Variants in THTPA observed in about 807,000 individuals in gnomAD.
THTPA encodes the protein thiamine-triphosphatase.
In THTPA, 16 loss-of-function variants were observed where a neutral mutation model predicts 16.5. That is an observed-to-expected ratio of 0.97 (90% CI 0.66 to 1.47). The LOEUF (loss-of-function observed/expected upper bound fraction) is 1.47. Among genes scored for constraint, THTPA ranks in the 40% most tolerant of loss-of-function variants. The probability of loss-of-function intolerance (pLI) is 0.00; values close to 1 mark genes in which losing one functional copy is unlikely to be tolerated. For missense variants in THTPA, 281 were observed against 280.9 expected, an observed-to-expected ratio of 1.00 and a Z score of 0.00; for synonymous variants, 110 against 115.5, an observed-to-expected ratio of 0.95 and a Z score of 0.30.
At chr14:23,516,016 G>A in the THTPA span, among the ~76,000 whole-genome samples, 1 of 152,146 alleles carries the variant, frequency 6.6e-6, no homozygotes, top group South Asian at 2.1e-4. Context: ...GTTATGATAA[G>A]CCCTGGTGTG....
At chr14:23,538,195 C>T in the THTPA span, 1 of 152,180 alleles carries the variant, frequency 6.6e-6, no homozygotes, top group Non-Finnish European at 1.5e-5. Context: ...CTCTGATCGG[C>T]CGAGGGTAGG....
chr14:23,539,306 A>G, the THTPA span, among the ~76,000 whole-genome samples: 1 of 152,224 alleles, frequency 6.6e-6, no homozygotes, highest in African/African-American at 2.4e-5. Flanking sequence ...TTCAAGGCTC[A>G]GCCAGGGAGT....
At chr14:23,553,616 C>T (rs966596450), upstream of THTPA, among the ~76,000 whole-genome samples, 5 of 150,584 alleles carry the variant, frequency 3.3e-5, no homozygotes, top group African/African-American at 7.3e-5. Context: ...AAAAACAGGC[C>T]GGGCGTGGTG....
At position 23,559,842 on chromosome 14, in the gene THTPA, CA is replaced by C; in HGVS notation, c.*1003del. Reference sequence around the variant, plus strand: ...CGTAGGTGAGGCGCAGCTTTAGCCGCAGGGGGGCCTAGGAATAGGAGAGCAG... The same window carrying C: ...CGTAGGTGAGGCGCAGCTTTAGCCGCGGGGGGCCTAGGAATAGGAGAGCAG... On this transcript the variant is annotated 3_prime_UTR_variant, in exon 2 of 2. Coordinates refer to ENST00000288014, the MANE Select transcript of THTPA (RefSeq NM_024328.6). The C allele has an allele frequency of 1.9e-6, 3 of 1,614,092 alleles. No individual in the cohort carries two copies. The highest frequency in any genetic ancestry group is 2.5e-6 in the Non-Finnish European group (3 of 1,180,010).
chr14:23,533,189 A>G, the THTPA span: 1 of 1,437,410 alleles, frequency 7.0e-7, no homozygotes, highest in East Asian at 2.5e-5. This position sits in a 1 kb window ranked among gnomAD's most constrained non-coding sequence, Gnocchi z 4.8. Context: ...AGAGGGACTT[A>G]TGGTTACCTA....
the THTPA span, chr14:23,534,786 G>C: frequency 6.5e-7 from 1 of 1,536,224 alleles, no homozygotes; most frequent in Non-Finnish European, 8.7e-7. This position sits in a 1 kb window ranked among gnomAD's most constrained non-coding sequence, Gnocchi z 4.5. Context: ...AAGAGCTAAA[G>C]CCTTGGATTG....
chr14:23,558,951 C>T lies in THTPA; in HGVS notation c.*111C>T, dbSNP rs45476293. ...CTTCTGACAGTGACTCCTCTCTCTC[C>T]AGCGCTGCCTGTTTCTTCCCCCTCC... On this transcript the variant is annotated 3_prime_UTR_variant, in exon 2 of 2. Transcript: ENST00000288014. 765 of 1,322,034 alleles carry T rather than the reference C, an allele frequency of 5.8e-4. 1 individual carries two copies. The highest frequency in any genetic ancestry group is 7.3e-4 in the Non-Finnish European group (703 of 966,392). The allele number at this position is 1,322,034 out of a possible 1,614,324, so 81.9% of individuals were successfully genotyped here.
the THTPA span, chr14:23,530,338 C>T: frequency 2.7e-6 from 2 of 727,832 alleles, no homozygotes; most frequent in Non-Finnish European, 4.8e-6. Flanking sequence ...TATGAAAAGC[C>T]AACAAAAAGA....
At chr14:23,531,433 T>G in the THTPA span, 2 of 1,357,598 alleles carry the variant, frequency 1.5e-6, no homozygotes, top group Non-Finnish European at 1.9e-6. Context: ...CCCCACATCC[T>G]GCTGCCCTCC....
At chr14:23,522,552 T>C in the THTPA span, 1 of 1,527,262 alleles carries the variant, frequency 6.5e-7, no homozygotes, top group Admixed American at 2.0e-5. Context: ...CCCTTCTTCA[T>C]GCCATAGAGC....
chr14:23,519,001 C>G, the THTPA span, among the ~76,000 whole-genome samples: 3 of 152,198 alleles, frequency 2.0e-5, no homozygotes, highest in Admixed American at 2.0e-4. Context: ...TGTTAATTGA[C>G]CTAAGTCAGC....
the THTPA span, chr14:23,525,213 T>G: frequency 6.5e-7 from 1 of 1,536,002 alleles, no homozygotes; most frequent in Non-Finnish European, 8.7e-7. The surrounding 1 kb of genome is among the most constrained non-coding windows in gnomAD (Gnocchi z 5.9). Flanking sequence ...TCCTCTTCTA[T>G]GGGCCAGTGT....
the THTPA span, chr14:23,527,522 C>T: frequency 8.0e-6 from 12 of 1,502,736 alleles, no homozygotes; most frequent in East Asian, 9.9e-5. Context: ...ATGCACCTGC[C>T]TGAATACCCC....
chr14:23,517,830 C>T, the THTPA span, among the ~76,000 whole-genome samples: 1 of 152,164 alleles, frequency 6.6e-6, no homozygotes, highest in Non-Finnish European at 1.5e-5. Flanking sequence ...AATGCCCATC[C>T]ATTTTCAGGG....
chr14:23,524,247 G>A, the THTPA span: 9 of 1,536,420 alleles, frequency 5.9e-6, no homozygotes, highest in South Asian at 1.2e-5. This position sits in a 1 kb window ranked among gnomAD's most constrained non-coding sequence, Gnocchi z 5.6. Flanking sequence ...TGTACCACTC[G>A]CTTTTTGAGC....
At chr14:23,531,320 G>A in the THTPA span, 68 of 1,089,486 alleles carry the variant, frequency 6.2e-5, 1 homozygote, top group South Asian at 1.4e-3. Flanking sequence ...TGCCTGACAC[G>A]CTCATTCTGT....
In THTPA at chr14:23,558,915, CCT is replaced by C; in HGVS notation, c.*77_*78del. The C allele has an allele frequency of 6.4e-7, 1 of 1,556,132 alleles. No individual in the cohort carries two copies. The highest frequency in any genetic ancestry group is 8.8e-7 in the Non-Finnish European group (1 of 1,142,046). On this transcript the variant is annotated 3_prime_UTR_variant, in exon 2 of 2. Transcript: ENST00000288014. ...ACTCCTGGGCCCACTGTGCCTCTCCCCTCAGTGTCCCTTCTGACAGTGACTCC... is the reference window on the plus strand; with the variant it reads ...ACTCCTGGGCCCACTGTGCCTCTCCCCAGTGTCCCTTCTGACAGTGACTCC...
chr14:23,534,817 T>G, the THTPA span: 1 of 1,536,046 alleles, frequency 6.5e-7, no homozygotes, highest in Non-Finnish European at 8.7e-7. The surrounding 1 kb of genome is among the most constrained non-coding windows in gnomAD (Gnocchi z 4.5). Context: ...ATGTTGGATG[T>G]GAAGGGCAGT....
chr14:23,551,147 A>G (rs565026201), upstream of THTPA, among the ~76,000 whole-genome samples: 1 of 141,004 alleles, frequency 7.1e-6, no homozygotes, highest in Admixed American at 7.1e-5. This position sits in a 1 kb window ranked among gnomAD's most constrained non-coding sequence, Gnocchi z 5.3. Flanking sequence ...GCTATCTCCC[A>G]GGGCTCTCGG....
Sources: allele counts gnomAD v4.1 joint callset (sites outside exome capture counted in the v4.1 genomes callset), GRCh38; gene constraint gnomAD v4.1.1; non-coding constraint Gnocchi (gnomAD v3.1); transcripts MANE v1.5; gene names NCBI Gene and HGNC (gene_info 2026-07-23, HGNC 2026-07-21).